MANSC4: variants seen among roughly 807,000 people sequenced by gnomAD.
The protein encoded by MANSC4 is MANSC domain containing 4, also known as MANSC domain-containing protein 4.
In MANSC4, 11 loss-of-function variants were observed where a neutral mutation model predicts 11.4. The observed-to-expected ratio is 0.97, with a 90% CI of 0.61 to 1.60. The LOEUF is 1.60. MANSC4 is among the 40% of genes most tolerant of loss of function. The pLI is 0.00. For synonymous variants in MANSC4, 123 were observed against 147.1 expected, an observed-to-expected ratio of 0.84 and a Z score of 1.19; for missense variants, 354 against 404.6, an observed-to-expected ratio of 0.88 and a Z score of 1.07.
rs149746430 is a variant in MANSC4, at chr12:27,771,148, G to T, written c.129C>A (p.Ile43=). 1,658 of 1,551,930 alleles carry T rather than the reference G, an allele frequency of 1.1e-3. 31 individuals are homozygous for T. In the Admixed American group the frequency reaches 0.03, roughly 28 times the overall value. The change falls in exon 2 of 4, where the codon ATC becomes ATA. Residue 43 remains isoleucine (I), a synonymous_variant. Coordinates refer to ENST00000381273, the MANE Select transcript of MANSC4 (RefSeq NM_001146221.5). ...CCAGCTTCTGAGACTCCTCCAGATT[G>T]ATTAGAAGACCTGGGAAGCGACGGA... is the stretch of plus-strand genomic sequence containing the variant. ...CWIRRFPGLL[I]NLEESQKLGA...
chr12:27,772,682 A>G (rs1269923202), intron 1 of MANSC4, among the ~76,000 whole-genome samples: 1 of 152,228 alleles, frequency 6.6e-6, no homozygotes, highest in Non-Finnish European at 1.5e-5. Context: ...ACAGAAAGCA[A>G]ATTTCAGTTG....
chr12:27,769,594 T>TA (rs1459187454), intron 2 of MANSC4, among the ~76,000 whole-genome samples: 2 of 152,218 alleles, frequency 1.3e-5, no homozygotes, highest in African/African-American at 2.4e-5. Flanking sequence ...AGTGAGGACT[T>TA]ACGGGAGTTA....
At chr12:27,769,713 TA>T (rs1344754211) in intron 2 of MANSC4, among the ~76,000 whole-genome samples, 3 of 152,178 alleles carry the variant, frequency 2.0e-5, no homozygotes, top group African/African-American at 7.2e-5. Flanking sequence ...CTTACATACA[TA>T]ATCTTACATA....
intron 1 of MANSC4, among the ~76,000 whole-genome samples, chr12:27,772,481 CAT>C (rs2062104845): frequency 6.6e-6 from 1 of 152,158 alleles, no homozygotes; most frequent in South Asian, 2.1e-4. Flanking sequence ...CTAGTTATTA[CAT>C]ATCTTTTTAT....
chr12:27,773,888 C>G (rs1555110021), intron 1 of MANSC4, among the ~76,000 whole-genome samples: 1 of 152,202 alleles, frequency 6.6e-6, no homozygotes. Flanking sequence ...TGGCTCACGC[C>G]TGTAATCCCA....
intron 1 of MANSC4, among the ~76,000 whole-genome samples, chr12:27,777,656 A>G (rs1450576442): frequency 6.6e-6 from 1 of 152,240 alleles, no homozygotes; most frequent in Non-Finnish European, 1.5e-5. Context: ...AATGTTTTTT[A>G]TAGAATCCAA....
At chr12:27,766,365 C>G (rs1411975796) in intron 3 of MANSC4, among the ~76,000 whole-genome samples, 1 of 152,134 alleles carries the variant, frequency 6.6e-6, no homozygotes, top group Non-Finnish European at 1.5e-5. Context: ...CGCGCCTGGC[C>G]GAGAAATGCT....
chr12:27,770,023 C>T (rs1012367413), intron 2 of MANSC4, among the ~76,000 whole-genome samples: 1 of 152,210 alleles, frequency 6.6e-6, no homozygotes, highest in Non-Finnish European at 1.5e-5. Flanking sequence ...GACAAAACAT[C>T]TATGAGGAAT....
intron 3 of MANSC4, among the ~76,000 whole-genome samples, chr12:27,765,520 C>T (rs2062068516): frequency 6.6e-6 from 1 of 152,198 alleles, no homozygotes. Context: ...TCTCCTGTGG[C>T]ATAATATAGA....
chr12:27,763,450 C>G, intron 3 of MANSC4, 54 bp from the exon 4 acceptor site: 1 of 1,466,818 alleles, frequency 6.8e-7, no homozygotes, highest in South Asian at 1.4e-5. Flanking sequence ...AAGCAAAAAC[C>G]CTAAAGCACA....
rs568730422 is a variant in MANSC4, at chr12:27,780,088, G to A, written c.-307+122C>T. On this transcript the variant is annotated intron_variant, in intron 1 of 3. Transcript: ENST00000381273. The surrounding 1 kb of genome is among the most constrained non-coding windows in gnomAD (Gnocchi z 8.8). ...GAGAGCCCGCGCGAGGACGCCCGCC[G>A]CGCTCCGCCGGCCCTTTTTTGGCGC... 150 of 170,302 alleles carry A rather than the reference G, an allele frequency of 8.8e-4. 1 individual carries two copies. The highest frequency in any genetic ancestry group is 3.4e-3 in the African/African-American group (142 of 41,942). The allele number at this position is 170,302 out of a possible 1,614,324, so 10.5% of individuals were successfully genotyped here.
chr12:27,775,011 G>A (rs891882932), intron 1 of MANSC4, among the ~76,000 whole-genome samples: 1 of 148,724 alleles, frequency 6.7e-6, no homozygotes, highest in Non-Finnish European at 1.5e-5. Context: ...GCGACAGAGC[G>A]AGATTCCGTC....
chr12:27,768,433 AAG>A (rs1202863461), intron 2 of MANSC4, among the ~76,000 whole-genome samples: 1 of 150,750 alleles, frequency 6.6e-6, no homozygotes, highest in Admixed American at 6.6e-5. Context: ...GAAAAAGAAA[AAG>A]AAAAAGAAAA....
At chr12:27,779,292 G>T (rs1565479855) in intron 1 of MANSC4, among the ~76,000 whole-genome samples, 1 of 152,190 alleles carries the variant, frequency 6.6e-6, no homozygotes, top group Non-Finnish European at 1.5e-5. Flanking sequence ...GATCTTTTGC[G>T]CCAGGATAAC....
rs2062097156 is a variant in MANSC4, at chr12:27,770,780, C to G, written c.229+268G>C. ...CCTTAGGGGAAATACTTTCATTTAGCATTTTGGTGAAGAAAAGAGGATTCT... is the reference window on the plus strand; with the variant it reads ...CCTTAGGGGAAATACTTTCATTTAGGATTTTGGTGAAGAAAAGAGGATTCT... On this transcript the variant is annotated intron_variant, in intron 2 of 3. Coordinates refer to ENST00000381273, the MANE Select transcript of MANSC4 (RefSeq NM_001146221.5). Among the ~76,000 whole-genome samples, 3 of 152,124 alleles carry G rather than the reference C, an allele frequency of 2.0e-5. No homozygotes were observed. In the South Asian group the frequency reaches 6.2e-4, roughly 32 times the overall value.
chr12:27,764,302 C>G (rs570448560), intron 3 of MANSC4, among the ~76,000 whole-genome samples: 1 of 152,160 alleles, frequency 6.6e-6, no homozygotes, highest in East Asian at 1.9e-4. Context: ...TTTCTCTCTG[C>G]GCAAACATGC....
intron 1 of MANSC4, chr12:27,779,892 G>C (rs981645622): frequency 6.6e-6 from 1 of 151,388 alleles, no homozygotes; most frequent in Non-Finnish European, 1.5e-5. Context: ...GCAGCTGCGC[G>C]TCCGCAGCCG....
intron 3 of MANSC4, among the ~76,000 whole-genome samples, chr12:27,764,053 G>A (rs1291130384): frequency 6.6e-6 from 1 of 152,102 alleles, no homozygotes; most frequent in African/African-American, 2.4e-5. Flanking sequence ...TTTAAATCAA[G>A]TTAAGCAAAA....
intron 1 of MANSC4, among the ~76,000 whole-genome samples, chr12:27,775,951 G>C (rs1407772386): frequency 6.6e-6 from 1 of 151,612 alleles, no homozygotes; most frequent in Non-Finnish European, 1.5e-5. Flanking sequence ...TTAGCCAGGC[G>C]TGGTGGCAGA....
Sources: gnomAD v4.1 joint callset for allele counts (sites outside exome capture counted in the v4.1 genomes callset) on GRCh38, gnomAD v4.1.1 for gene constraint, Gnocchi (gnomAD v3.1) non-coding constraint, MANE v1.5 for transcripts, NCBI Gene and HGNC (gene_info 2026-07-23, HGNC 2026-07-21) for gene names.